The following TAFA1 variants were observed in gnomAD, a reference collection of about 807,000 sequenced individuals.
The protein encoded by TAFA1 is TAFA chemokine like family member 1, also known as chemokine-like protein TAFA-1.
In TAFA1, 4 loss-of-function variants were observed where a neutral mutation model predicts 18.5. The ratio of observed to expected loss-of-function variants is 0.22; its 90% CI spans 0.11 to 0.49. The LOEUF (loss-of-function observed/expected upper bound fraction) is 0.49. Among genes scored for constraint, TAFA1 ranks in the 20% least tolerant of loss-of-function variants. TAFA1 has a pLI of 0.98. For missense variants in TAFA1, 147 were observed against 169.0 expected, an observed-to-expected ratio of 0.87 and a Z score of 0.72; for synonymous variants, 56 against 55.2, an observed-to-expected ratio of 1.01 and a Z score of -0.06.
chr3:68,226,129 T>C (rs1278956537), intron 2 of TAFA1, among the ~76,000 whole-genome samples: 1 of 152,212 alleles, frequency 6.6e-6, no homozygotes, highest in African/African-American at 2.4e-5. Context: ...TGTGATTTTC[T>C]CAGTCTCAAG....
chr3:68,094,327 G>C (rs367880761), intron 2 of TAFA1, among the ~76,000 whole-genome samples: 26 of 152,094 alleles, frequency 1.7e-4, no homozygotes, highest in African/African-American at 6.0e-4. Flanking sequence ...TTTATTTATT[G>C]ACTTTGTTAC....
chr3:68,227,268 A>G (rs1325546515), intron 2 of TAFA1, among the ~76,000 whole-genome samples: 1 of 152,212 alleles, frequency 6.6e-6, no homozygotes, highest in African/African-American at 2.4e-5. Flanking sequence ...GGTTTCCTCT[A>G]ACAGGAATAG....
At chr3:68,291,937 T>C (rs947468859) in intron 2 of TAFA1, among the ~76,000 whole-genome samples, 1 of 152,214 alleles carries the variant, frequency 6.6e-6, no homozygotes, top group African/African-American at 2.4e-5. Context: ...TGATATTTTC[T>C]TTATAAATAT....
chr3:68,255,658 A>G (rs1022885503), intron 2 of TAFA1, among the ~76,000 whole-genome samples: 8 of 151,872 alleles, frequency 5.3e-5, no homozygotes, highest in Non-Finnish European at 1.0e-4. Context: ...TGAGAGTTTT[A>G]TAGGGTTTTT....
At chr3:68,328,999 A>C (rs116438950) in intron 2 of TAFA1, among the ~76,000 whole-genome samples, 1 of 151,976 alleles carries the variant, frequency 6.6e-6, no homozygotes, top group African/African-American at 2.4e-5. Context: ...TAACCCCATG[A>C]TGTTACTAAG....
chr3:68,011,005 T>TA (rs1704459946), intron 2 of TAFA1, among the ~76,000 whole-genome samples: 1 of 151,832 alleles, frequency 6.6e-6, no homozygotes, highest in Admixed American at 6.6e-5. Context: ...GTGTAACAGG[T>TA]AAAAAAAGAT....
chr3:68,524,798 G>A (rs1479874186), intron 3 of TAFA1, among the ~76,000 whole-genome samples: 1 of 151,938 alleles, frequency 6.6e-6, no homozygotes, highest in African/African-American at 2.4e-5. Flanking sequence ...AGCCTCCCGA[G>A]TAGCTGGGAC....
chr3:68,479,732 T>G (rs1350372918), intron 3 of TAFA1, among the ~76,000 whole-genome samples: 1 of 152,176 alleles, frequency 6.6e-6, no homozygotes, highest in Non-Finnish European at 1.5e-5. Context: ...CAGGAGGCTG[T>G]GATACCAGCT....
rs1299718363 is a variant in TAFA1 at position 68,153,634 on chromosome 3, CAG to C, written c.118+146896_118+146897del. Among the ~76,000 whole-genome samples, 5 of 152,190 alleles carry C rather than the reference CAG, an allele frequency of 3.3e-5. No homozygotes were observed. In the East Asian group the frequency reaches 9.7e-4, roughly 29 times the overall value. On this transcript the variant is annotated intron_variant, in intron 2 of 4. Transcript: ENST00000478136. ...CAGGAATTAGCATCACTTGTATTTGCAGAGAGAACTTCATGGGTTGGTTAAGA... is the reference window on the plus strand; with the variant it reads ...CAGGAATTAGCATCACTTGTATTTGCAGAGAACTTCATGGGTTGGTTAAGA...
chr3:68,190,709 G>A (rs1398607731), intron 2 of TAFA1, among the ~76,000 whole-genome samples: 1 of 151,760 alleles, frequency 6.6e-6, no homozygotes, highest in African/African-American at 2.4e-5. Flanking sequence ...ATGTGTTTTG[G>A]GAGGAGTTTG....
chr3:68,281,469 T>A (rs1303282871), intron 2 of TAFA1, among the ~76,000 whole-genome samples: 1 of 50,958 alleles, frequency 2.0e-5, no homozygotes, highest in Middle Eastern at 0.012. Flanking sequence ...ACATTAACCT[T>A]TTTTTTTTTT....
intron 2 of TAFA1, among the ~76,000 whole-genome samples, chr3:68,221,692 G>A (rs2066732809): frequency 6.6e-6 from 1 of 152,112 alleles, no homozygotes. Flanking sequence ...TTCAAACAAG[G>A]TTCAATAGTA....
intron 2 of TAFA1, among the ~76,000 whole-genome samples, chr3:68,137,519 G>T (rs1178056772): frequency 6.6e-6 from 1 of 152,190 alleles, no homozygotes; most frequent in Non-Finnish European, 1.5e-5. Context: ...AACTTGATAG[G>T]TTCCTGGAGT....
At chr3:68,172,671 A>G (rs1454238837) in intron 2 of TAFA1, among the ~76,000 whole-genome samples, 3 of 152,184 alleles carry the variant, frequency 2.0e-5, no homozygotes, top group African/African-American at 7.2e-5. Flanking sequence ...TATACAAGAG[A>G]ATATTACTCA....
intron 3 of TAFA1, among the ~76,000 whole-genome samples, chr3:68,424,677 A>G (rs1277816437): frequency 6.7e-6 from 1 of 149,982 alleles, no homozygotes; most frequent in African/African-American, 2.4e-5. Flanking sequence ...TTTGAAATTC[A>G]GCAACAGTTT....
intron 2 of TAFA1, among the ~76,000 whole-genome samples, chr3:68,059,933 C>T (rs965960019): frequency 3.5e-4 from 53 of 152,020 alleles, no homozygotes; most frequent in Admixed American, 2.2e-3. Flanking sequence ...GGGGAGCCCC[C>T]GCAGGCTTGT....
intron 2 of TAFA1, among the ~76,000 whole-genome samples, chr3:68,346,363 G>T (rs796705372): frequency 3.2e-4 from 49 of 152,148 alleles, no homozygotes; most frequent in African/African-American, 1.1e-3. Context: ...TCACCATGTT[G>T]CCCAGGCTGG....
At chr3:68,129,413 T>G (rs1313439063) in intron 2 of TAFA1, among the ~76,000 whole-genome samples, 1 of 152,226 alleles carries the variant, frequency 6.6e-6, no homozygotes, top group Non-Finnish European at 1.5e-5. Context: ...TACTGCAAGA[T>G]ACTCAATCTC....
chr3:68,207,258 C>A (rs965602072), intron 2 of TAFA1, among the ~76,000 whole-genome samples: 1 of 151,786 alleles, frequency 6.6e-6, no homozygotes, highest in African/African-American at 2.4e-5. Flanking sequence ...TTTTCTTATT[C>A]TTGAAGCAGA....
Sources: gnomAD v4.1 joint callset for allele counts (sites outside exome capture counted in the v4.1 genomes callset) on GRCh38, gnomAD v4.1.1 for gene constraint, MANE v1.5 for transcripts, NCBI Gene and HGNC (gene_info 2026-07-23, HGNC 2026-07-21) for gene names.